The following NLK variants were observed in gnomAD, a reference collection of about 807,000 sequenced individuals.
NLK encodes the protein serine/threonine-protein kinase NLK.
A neutral mutation model predicts 59.0 loss-of-function variants in NLK; 11 were observed. The ratio of observed to expected loss-of-function variants is 0.19; its 90% CI spans 0.12 to 0.31. NLK has a LOEUF of 0.31. Ranked by LOEUF, NLK falls within the 10% of genes least tolerant of loss-of-function variation. The pLI is 1.00. For synonymous variants in NLK, 235 were observed against 235.9 expected (o/e 1.00, Z 0.03); for missense variants, 410 against 661.1 (o/e 0.62, Z 4.16).
chr17:28,141,215 C>G (rs1906976724), intron 3 of NLK, among the ~76,000 whole-genome samples: 1 of 152,168 alleles, frequency 6.6e-6, no homozygotes, highest in African/African-American at 2.4e-5. Context: ...CTTTTCAACT[C>G]CCGTAAAAAG....
At chr17:28,163,424 A>G (rs1908095365) in intron 4 of NLK, 119 bp from the exon 5 acceptor site, 1 of 615,598 alleles carries the variant, frequency 1.6e-6, no homozygotes, top group East Asian at 2.9e-5. Flanking sequence ...AATGTTCATT[A>G]TGCAGTTATT....
At chr17:28,118,529 C>T (rs898026822) in intron 1 of NLK, among the ~76,000 whole-genome samples, 2 of 152,164 alleles carry the variant, frequency 1.3e-5, no homozygotes, top group African/African-American at 4.8e-5. Flanking sequence ...ATTTTAGTGG[C>T]TGAGAAAGTA....
At chr17:28,144,396 CAA>C (rs984366292) in intron 3 of NLK, among the ~76,000 whole-genome samples, 13 of 81,536 alleles carry the variant, frequency 1.6e-4, no homozygotes, top group Non-Finnish European at 2.3e-4. Flanking sequence ...CAGGTGAAGC[CAA>C]AAAAAAAAAA....
intron 3 of NLK, among the ~76,000 whole-genome samples, chr17:28,159,879 A>T (rs1375229427): frequency 4.6e-5 from 7 of 152,208 alleles, no homozygotes; most frequent in Non-Finnish European, 1.0e-4. Context: ...TAAATTTTGA[A>T]GGATTTCTGA....
rs148349424 is a variant in NLK, at chr17:28,163,071, G to A, written c.752-472G>A. Reference sequence around the variant, plus strand: ...TTCATTACCCTCTTGATTCTGAGCGGTAAAGAATACTACTGACAGTGTGGG... The same window carrying A: ...TTCATTACCCTCTTGATTCTGAGCGATAAAGAATACTACTGACAGTGTGGG... On this transcript the variant is annotated intron_variant, in intron 4 of 10. Coordinates refer to ENST00000407008, the MANE Select transcript of NLK (RefSeq NM_016231.5). 1.8e-3 allele frequency among the ~76,000 whole-genome samples: 280 copies of A among 152,362 alleles called. 1 individual carries two copies. Among genetic ancestry groups the A allele is most frequent in the African/African-American group, 6.3e-3 (264 of 41,594 alleles).
At chr17:28,181,560 CTCTG>C (rs1908906294) in intron 7 of NLK, among the ~76,000 whole-genome samples, 3 of 149,508 alleles carry the variant, frequency 2.0e-5, no homozygotes, top group Admixed American at 2.0e-4. Context: ...TAGAGCAAGA[CTCTG>C]TCTCTTAAAA....
intron 1 of NLK, among the ~76,000 whole-genome samples, chr17:28,079,868 C>T (rs942334387): frequency 6.6e-6 from 1 of 152,172 alleles, no homozygotes; most frequent in Admixed American, 6.5e-5. Flanking sequence ...CTTTTGGTAT[C>T]ATATCCAAGA....
downstream of NLK, chr17:28,196,474 AT>A (rs1279678856): frequency 6.6e-6 from 1 of 152,278 alleles, no homozygotes; most frequent in Non-Finnish European, 1.5e-5. Flanking sequence ...GACACTTCCT[AT>A]TTATATTTCC....
chr17:28,089,721 GTTAC>G (rs1286468876), intron 1 of NLK, among the ~76,000 whole-genome samples: 1 of 152,080 alleles, frequency 6.6e-6, no homozygotes, highest in Non-Finnish European at 1.5e-5. Context: ...TATCACTGCT[GTTAC>G]TTAGTATGGT....
chr17:28,080,331 G>A (rs1910304453), intron 1 of NLK, among the ~76,000 whole-genome samples: 1 of 151,984 alleles, frequency 6.6e-6, no homozygotes. Context: ...TGTAATTCCA[G>A]CACTTTGGGA....
chr17:28,065,025 T>C (rs1309995953), intron 1 of NLK, among the ~76,000 whole-genome samples: 1 of 152,176 alleles, frequency 6.6e-6, no homozygotes, highest in Admixed American at 6.5e-5. Context: ...TTTAACCTAG[T>C]CCAAATTATA....
intron 6 of NLK, 105 bp from the exon 7 acceptor site, chr17:28,172,412 G>GT (rs764684083): frequency 1.1e-5 from 6 of 570,584 alleles, no homozygotes; most frequent in South Asian, 5.9e-5. Context: ...TTGTCTTAAG[G>GT]TTTTTTCCCC....
intron 1 of NLK, among the ~76,000 whole-genome samples, chr17:28,119,551 A>G (rs1905930319): frequency 6.6e-6 from 1 of 152,164 alleles, no homozygotes; most frequent in African/African-American, 2.4e-5. Context: ...TGTTAAATCA[A>G]TTTATCTCAT....
At chr17:28,051,134 A>G (rs1909239000) in intron 1 of NLK, among the ~76,000 whole-genome samples, 2 of 151,992 alleles carry the variant, frequency 1.3e-5, no homozygotes, top group Admixed American at 1.3e-4. Flanking sequence ...CCAAAAGGCC[A>G]TTGTATTTAG....
At chr17:28,156,216 CA>C (rs1443145130) in intron 3 of NLK, among the ~76,000 whole-genome samples, 1 of 151,992 alleles carries the variant, frequency 6.6e-6, no homozygotes, top group Non-Finnish European at 1.5e-5. Context: ...TCAGCTTTAA[CA>C]ATATTAATCA....
chr17:28,062,906 TATTAA>T (rs1909712806), intron 1 of NLK, among the ~76,000 whole-genome samples: 1 of 152,160 alleles, frequency 6.6e-6, no homozygotes, highest in Non-Finnish European at 1.5e-5. Context: ...TATCAAAAAT[TATTAA>T]ATTAAGACAG....
At chr17:28,066,031 C>T (rs917353485) in intron 1 of NLK, among the ~76,000 whole-genome samples, 2 of 152,200 alleles carry the variant, frequency 1.3e-5, no homozygotes, top group Admixed American at 6.5e-5. Flanking sequence ...CACCCACAGA[C>T]GAAGTTATGT....
chr17:28,203,851 C>A, the NLK span, among the ~76,000 whole-genome samples: 1 of 152,166 alleles, frequency 6.6e-6, no homozygotes, highest in Admixed American at 6.5e-5. Flanking sequence ...TGATCTTTCT[C>A]GTCGCCCCAG....
At chr17:28,196,482 T>A (rs1001121637), downstream of NLK, 3 of 152,324 alleles carry the variant, frequency 2.0e-5, no homozygotes, top group African/African-American at 7.2e-5. Flanking sequence ...CTATTTATAT[T>A]TCCACTTTGA....
Sources: gnomAD v4.1 joint callset for allele counts (sites outside exome capture counted in the v4.1 genomes callset) on GRCh38, gnomAD v4.1.1 for gene constraint, MANE v1.5 for transcripts, NCBI Gene and HGNC (gene_info 2026-07-23, HGNC 2026-07-21) for gene names.